Variants in SORBS2 observed in about 807,000 individuals in gnomAD.
SORBS2 encodes sorbin and SH3 domain containing 2.
A neutral mutation model predicts 97.7 loss-of-function variants in SORBS2; 46 were observed. That is an observed-to-expected ratio of 0.47 (90% CI 0.37 to 0.60). The LOEUF is 0.60. SORBS2 is among the 20% of genes least tolerant of loss of function. SORBS2 has a pLI of 0.00. For missense variants in SORBS2, 1,316 were observed against 1,282.3 expected, an observed-to-expected ratio of 1.03 and a Z score of -0.40; for synonymous variants, 476 against 473.4, an observed-to-expected ratio of 1.01 and a Z score of -0.07.
intron 2 of SORBS2, among the ~76,000 whole-genome samples, chr4:185,704,382 G>A (rs757911054): frequency 2.6e-5 from 4 of 152,030 alleles, no homozygotes; most frequent in Non-Finnish European, 4.4e-5. Context: ...GCAGTGGCGT[G>A]ATCTCGGCTC....
intron 1 of SORBS2, among the ~76,000 whole-genome samples, chr4:185,942,330 G>T (rs939722944): frequency 6.6e-6 from 1 of 150,808 alleles, no homozygotes; most frequent in Non-Finnish European, 1.5e-5. Context: ...TCATTTAGAT[G>T]ACTACATTTC....
intron 2 of SORBS2, among the ~76,000 whole-genome samples, chr4:185,707,169 C>T (rs2098356712): frequency 6.6e-6 from 1 of 152,096 alleles, no homozygotes; most frequent in Non-Finnish European, 1.5e-5. Context: ...GACCTGAGGC[C>T]TCACAACAAC....
At chr4:185,886,359 G>T (rs12504123) in intron 1 of SORBS2, among the ~76,000 whole-genome samples, 41,908 of 151,490 alleles carry the variant, frequency 0.28, 5,989 homozygotes, top group East Asian at 0.55. Flanking sequence ...ATTGAGGCCA[G>T]CCTGGCTAAC....
chr4:185,921,492 T>C (rs987988796), intron 1 of SORBS2, among the ~76,000 whole-genome samples: 4 of 151,918 alleles, frequency 2.6e-5, no homozygotes, highest in African/African-American at 9.7e-5. Context: ...CCTGGAGGAA[T>C]ATGTCACACA....
At chr4:185,634,735 A>T (rs2096965668) in intron 4 of SORBS2, among the ~76,000 whole-genome samples, 1 of 152,072 alleles carries the variant, frequency 6.6e-6, no homozygotes, top group Non-Finnish European at 1.5e-5. Context: ...TTGCAAACGC[A>T]TTTCATTTTA....
At chr4:185,884,170 A>C (rs1428376413) in intron 1 of SORBS2, among the ~76,000 whole-genome samples, 1 of 152,234 alleles carries the variant, frequency 6.6e-6, no homozygotes, top group Non-Finnish European at 1.5e-5. Context: ...AAAATGGTTG[A>C]ATTTTATTGT....
At chr4:185,587,915 G>A (rs527818475) in intron 14 of SORBS2, 20 of 483,084 alleles carry the variant, frequency 4.1e-5, no homozygotes, top group Non-Finnish European at 6.7e-5. Context: ...CGCTGCCATC[G>A]CGGCAGGCTA....
intron 6 of SORBS2, 40 bp from the exon 19 acceptor site, chr4:185,624,534 G>A (rs749896541): frequency 8.0e-5 from 124 of 1,549,112 alleles, no homozygotes; most frequent in Non-Finnish European, 1.3e-5. Context: ...GAGACATTTG[G>A]AGAAGTTAAA....
chr4:185,736,066 G>A (rs1328358399), intron 2 of SORBS2, among the ~76,000 whole-genome samples: 1 of 152,138 alleles, frequency 6.6e-6, no homozygotes, highest in African/African-American at 2.4e-5. Context: ...AGGTCTCAGG[G>A]GTGGGGTGGG....
chr4:185,678,281 C>A (rs1210026889), intron 4 of SORBS2, 142 bp downstream of exon 7: 3 of 697,636 alleles, frequency 4.3e-6, no homozygotes, highest in Non-Finnish European at 6.4e-6. Context: ...AAATACAAAC[C>A]TGGCAAGCAA....
chr4:185,618,683 A>T (rs750748326), intron 8 of SORBS2, 52 bp from the exon 21 acceptor site: 2 of 1,272,416 alleles, frequency 1.6e-6, no homozygotes, highest in South Asian at 3.2e-5. Context: ...AATTTTCTAC[A>T]AGAAAGTAGT....
At chr4:185,840,167 G>C (rs1464493230) in intron 1 of SORBS2, among the ~76,000 whole-genome samples, 1 of 152,212 alleles carries the variant, frequency 6.6e-6, no homozygotes, top group Non-Finnish European at 1.5e-5. Flanking sequence ...ACGGTCATTT[G>C]TGGATGAACA....
chr4:185,633,862 C>A lies in SORBS2; in HGVS notation c.397-3264G>T, dbSNP rs148103010. Among the ~76,000 whole-genome samples the A allele has an allele frequency of 3.1e-3, 476 of 151,696 alleles. 2 individuals carry two copies. Among genetic ancestry groups the A allele is most frequent in the Admixed American group, 5.8e-3 (88 of 15,244 alleles). Reference sequence around the variant, plus strand: ...AATTCCATTTCAGTTATCTATGAACCAACTACCTTAAAAACACCCTAGAAA... The same window carrying A: ...AATTCCATTTCAGTTATCTATGAACAAACTACCTTAAAAACACCCTAGAAA... On this transcript the variant is annotated intron_variant, in intron 4 of 14. Transcript: ENST00000418609.
At chr4:185,642,755 TG>T in intron 4 of SORBS2, among the ~76,000 whole-genome samples, 1 of 152,194 alleles carries the variant, frequency 6.6e-6, no homozygotes, top group African/African-American at 2.4e-5. Context: ...GCCAGGGTCT[TG>T]GGAAGATTTT....
chr4:185,788,264 T>C (rs941830606), intron 1 of SORBS2, among the ~76,000 whole-genome samples: 1 of 152,198 alleles, frequency 6.6e-6, no homozygotes, highest in African/African-American at 2.4e-5. Context: ...GAGGTTTTCA[T>C]AGAGAAAGAA....
chr4:185,881,835 AAAG>A (rs564064054), intron 1 of SORBS2, among the ~76,000 whole-genome samples: 109 of 152,208 alleles, frequency 7.2e-4, no homozygotes, highest in Non-Finnish European at 1.2e-3. Flanking sequence ...GGGGAAGAAA[AAAG>A]AAGAAGTATA....
chr4:185,717,487 T>C (rs12108381), intron 2 of SORBS2, among the ~76,000 whole-genome samples: 5,511 of 152,272 alleles, frequency 0.036, 365 homozygotes, highest in African/African-American at 0.13. Context: ...TTCTTCAAAT[T>C]GAGTCGTATC....
chr4:185,606,670 G>A lies in SORBS2; in HGVS notation c.2796+5110C>T, dbSNP rs1179071596. On this transcript the variant is annotated intron_variant, in intron 12 of 14. Coordinates refer to ENST00000418609, the Ensembl canonical transcript of SORBS2. This position sits in a 1 kb window ranked among gnomAD's most constrained non-coding sequence, Gnocchi z 4.3. ...GGCTATGGGGTGTTTTAGGCAGTTG[G>A]GTTTCTCCTCCTCCTCCTCCTCTTC... 1 of 985,038 alleles carries A rather than the reference G, an allele frequency of 1.0e-6. No individual in the cohort carries two copies. The highest frequency in any genetic ancestry group is 6.2e-5 in the Admixed American group (1 of 16,238). 61.0% of individuals were successfully genotyped at this position (985,038 alleles called of 1,614,324 possible). A position where few individuals can be genotyped will look rare whatever the true frequency, so the allele number is the denominator to read the frequency against.
chr4:185,630,612 A>G lies in SORBS2; in HGVS notation c.397-14T>C, dbSNP rs766585751. 1 of 1,566,984 alleles carries G rather than the reference A, an allele frequency of 6.4e-7. No homozygotes were observed. The stretch of plus-strand genomic sequence containing the variant: ...ATACAAGGAGGCCTGTTAAGATAGG[A>G]TAATAGTACCATGAAAAATTTTACC... On this transcript the variant is annotated splice_polypyrimidine_tract_variant and intron_variant, in intron 4 of 14. Transcript: ENST00000418609.
Sources: allele counts gnomAD v4.1 joint callset (sites outside exome capture counted in the v4.1 genomes callset), GRCh38; gene constraint gnomAD v4.1.1; non-coding constraint Gnocchi (gnomAD v3.1); transcripts MANE v1.5; gene names NCBI Gene and HGNC (gene_info 2026-07-23, HGNC 2026-07-21).